The following FGL1 variants were observed in gnomAD, a reference collection of about 807,000 sequenced individuals.
FGL1 encodes the protein fibrinogen like 1.
Under a neutral mutation model 43.7 loss-of-function variants are expected in FGL1, and 59 were observed. The ratio of observed to expected loss-of-function variants is 1.35; its 90% CI spans 1.10 to 1.68. The LOEUF is 1.68. FGL1 is among the 40% of genes most tolerant of loss of function. The pLI is 0.00. For synonymous variants in FGL1, 192 were observed against 126.5 expected (o/e 1.52, Z -3.48); for missense variants, 596 against 373.0 (o/e 1.60, Z -4.92).
At chr8:17,869,779 T>A (rs999847690) in intron 5 of FGL1, among the ~76,000 whole-genome samples, 16 of 152,182 alleles carry the variant, frequency 1.1e-4, no homozygotes, top group African/African-American at 3.6e-4. Flanking sequence ...TAAAAAGGTA[T>A]TTCTGAAGAA....
chr8:17,873,510 T>C (rs957937660), intron 5 of FGL1, among the ~76,000 whole-genome samples: 11 of 151,988 alleles, frequency 7.2e-5, no homozygotes, highest in Admixed American at 3.3e-4. Flanking sequence ...TAATAAATGG[T>C]TGTTGATTTT....
intron 1 of FGL1, among the ~76,000 whole-genome samples, chr8:17,893,942 C>G (rs1011210471): frequency 2.0e-5 from 3 of 146,896 alleles, no homozygotes; most frequent in African/African-American, 8.0e-5. Flanking sequence ...AGTATCAAAA[C>G]TTTTAATTAT....
intron 5 of FGL1, among the ~76,000 whole-genome samples, chr8:17,873,241 C>T (rs1563450329): frequency 6.6e-6 from 1 of 152,154 alleles, no homozygotes; most frequent in African/African-American, 2.4e-5. Flanking sequence ...TGACTCCATG[C>T]CAATTCTGGG....
chr8:17,865,767 T>C (rs1262852087), intron 7 of FGL1, among the ~76,000 whole-genome samples: 1 of 152,158 alleles, frequency 6.6e-6, no homozygotes, highest in Admixed American at 6.6e-5. Flanking sequence ...AGAATTAGGA[T>C]AGAAGGAGAA....
rs34570292 is a variant in FGL1 at position 17,881,138 on chromosome 8, A to ATTTTTTTTTTTTTTTTTTTTTTTTTTTT, written c.244+860_244+861insAAAAAAAAAAAAAAAAAAAAAAAAAAAA. On this transcript the variant is annotated intron_variant, in intron 3 of 7. Coordinates refer to ENST00000427924, the MANE Select transcript of FGL1 (RefSeq NM_004467.4). ...ATTGTAATCTGCCATGTGTACACGG[A>ATTTTTTTTTTTTTTTTTTTTTTTTTTTT]TTTTTTTTTTTTTTTTGAGACAGAG... 1.4e-5 allele frequency among the ~76,000 whole-genome samples: 2 copies of ATTTTTTTTTTTTTTTTTTTTTTTTTTTT among 142,932 alleles called. 1 individual carries two copies. The highest frequency in any genetic ancestry group is 5.4e-5 in the African/African-American group (2 of 36,786). The allele number at this position is 142,932 out of a possible 152,430, so 93.8% of individuals were successfully genotyped here.
In FGL1 at chr8:17,882,023, G is replaced by T. The variant is rs1352608901; in HGVS notation, c.220C>A (p.Leu74Ile). 1.9e-6 allele frequency: 3 copies of T among 1,613,820 alleles called. No individual in the cohort carries two copies. The highest frequency in any genetic ancestry group is 1.1e-5 in the South Asian group (1 of 91,020). Residue 74 changes from leucine to isoleucine, a missense_variant, in exon 3 of 8, where the codon CTT becomes ATT. Transcript: ENST00000427924. Reference protein sequence around the residue: ...DKGDENTVIDLGSKRQYADCS... With the variant: ...DKGDENTVIDIGSKRQYADCS... Reference sequence around the variant, plus strand: ...CCTGCATACTGCCTCTTGCTTCCAAGATCAATGACAGTATTCTCATCTCCT... The same window carrying T: ...CCTGCATACTGCCTCTTGCTTCCAATATCAATGACAGTATTCTCATCTCCT...
intron 4 of FGL1, 122 bp from the exon 5 acceptor site, chr8:17,874,238 T>A: frequency 7.3e-7 from 1 of 1,361,654 alleles, no homozygotes; most frequent in Non-Finnish European, 1.0e-6. Context: ...TCATTTTCAG[T>A]ATTCTTCTTT....
chr8:17,883,687 TA>T (rs1200637591), intron 2 of FGL1, among the ~76,000 whole-genome samples: 2 of 145,856 alleles, frequency 1.4e-5, no homozygotes, highest in South Asian at 2.1e-4. Context: ...AATATATATA[TA>T]TTTTTTATAT....
At chr8:17,891,580 T>C in intron 1 of FGL1, 1 of 538,212 alleles carries the variant, frequency 1.9e-6, no homozygotes, top group Non-Finnish European at 2.4e-6. Context: ...CATTCACAGG[T>C]AATAAAAGTT....
intron 1 of FGL1, among the ~76,000 whole-genome samples, chr8:17,888,550 G>A (rs376655341): frequency 2.6e-5 from 4 of 152,302 alleles, no homozygotes; most frequent in African/African-American, 7.2e-5. Flanking sequence ...GAAGACATCT[G>A]ATGTTAGGAG....
chr8:17,868,562 G>C lies in FGL1; in HGVS notation c.765C>G (p.Gly255=). Residue 255 remains glycine, a synonymous_variant, in exon 7 of 8, where the codon GGC becomes GGG. Coordinates refer to ENST00000427924, the MANE Select transcript of FGL1 (RefSeq NM_004467.4). ...AGACATCAAACCTGTTAAACCACCAGCCAGACTGATCTTCTTCTGCGCAGT... is the reference window on the plus strand; with the variant it reads ...AGACATCAAACCTGTTAAACCACCACCCAGACTGATCTTCTTCTGCGCAGT... ...EGNCAEEDQS[G]WWFNRCHSAN... is the part of the protein sequence containing the mutation. 2 of 1,611,732 alleles carry C rather than the reference G, an allele frequency of 1.2e-6. No homozygotes were observed. The highest frequency in any genetic ancestry group is 1.7e-6 in the Non-Finnish European group (2 of 1,179,122).
chr8:17,876,183 T>A (rs1354912771), intron 3 of FGL1, among the ~76,000 whole-genome samples: 1 of 152,208 alleles, frequency 6.6e-6, no homozygotes, highest in African/African-American at 2.4e-5. Flanking sequence ...TAACAAAAAA[T>A]TTTTTTCTTA....
chr8:17,887,363 A>G (rs960773561), intron 1 of FGL1, among the ~76,000 whole-genome samples: 2 of 152,314 alleles, frequency 1.3e-5, no homozygotes, highest in African/African-American at 4.8e-5. Context: ...TAAAAGGTAT[A>G]GGCACACTAT....
At chr8:17,875,490 T>C (rs574128777) in intron 3 of FGL1, among the ~76,000 whole-genome samples, 396 of 6,408 alleles carry the variant, frequency 0.062, 24 homozygotes, top group African/African-American at 0.16. Context: ...TCTCTTTCTT[T>C]CTTTCTTTCT....
intron 1 of FGL1, among the ~76,000 whole-genome samples, chr8:17,892,111 T>G (rs909289047): frequency 3.3e-5 from 5 of 152,196 alleles, no homozygotes; most frequent in African/African-American, 1.2e-4. Context: ...ATAGCTATGT[T>G]GCTTTTTAAA....
rs779782679 is a variant in FGL1, at chr8:17,885,609, T to A, written c.-17-38A>T. 1.6e-5 allele frequency: 26 copies of A among 1,577,950 alleles called. No individual in the cohort carries two copies. In the Admixed American group the frequency reaches 3.4e-4, roughly 21 times the overall value. On this transcript the variant is annotated intron_variant, in intron 1 of 7. Coordinates refer to ENST00000427924, the MANE Select transcript of FGL1 (RefSeq NM_004467.4). ...AAAGAATTTTATAAATGTATCAACC[T>A]TGAATTTTTCATGAGACCAGAGTTC...
At chr8:17,880,407 T>A (rs977265283) in intron 3 of FGL1, among the ~76,000 whole-genome samples, 1 of 152,236 alleles carries the variant, frequency 6.6e-6, no homozygotes, top group African/African-American at 2.4e-5. Flanking sequence ...ACTTGTATGA[T>A]TAGAAGCAGA....
chr8:17,887,055 C>A (rs78696652), intron 1 of FGL1, among the ~76,000 whole-genome samples: 1 of 152,140 alleles, frequency 6.6e-6, no homozygotes, highest in Non-Finnish European at 1.5e-5. Flanking sequence ...CCCAGAGATG[C>A]TCCAGGTGAC....
At chr8:17,881,592 G>A (rs1003163822) in intron 3 of FGL1, among the ~76,000 whole-genome samples, 1 of 151,666 alleles carries the variant, frequency 6.6e-6, no homozygotes, top group African/African-American at 2.4e-5. Context: ...CCAGCACTTT[G>A]GGAGGCCGAG....
Sources: allele counts gnomAD v4.1 joint callset (sites outside exome capture counted in the v4.1 genomes callset), GRCh38; gene constraint gnomAD v4.1.1; transcripts MANE v1.5; gene names NCBI Gene and HGNC (gene_info 2026-07-23, HGNC 2026-07-21).